The following ETNPPL variants were observed in gnomAD, a reference collection of about 807,000 sequenced individuals.
The protein encoded by ETNPPL is ethanolamine-phosphate phospho-lyase.
ETNPPL carries 30 observed loss-of-function variants against 55.5 expected under a neutral mutation model. The ratio of observed to expected loss-of-function variants is 0.54; its 90% CI spans 0.40 to 0.73. The LOEUF is 0.73. ETNPPL is among the 30% of genes least tolerant of loss of function. ETNPPL has a pLI of 0.00. For synonymous variants in ETNPPL, 202 were observed against 207.2 expected, an observed-to-expected ratio of 0.98 and a Z score of 0.21; for missense variants, 528 against 607.9, an observed-to-expected ratio of 0.87 and a Z score of 1.38.
chr4:108,762,042 A>G lies in ETNPPL; in HGVS notation c.56+801T>C, dbSNP rs189483904. On this transcript the variant is annotated intron_variant, in intron 1 of 12. Coordinates refer to ENST00000296486, the MANE Select transcript of ETNPPL (RefSeq NM_031279.4). ...CGTATCTTTTTAAAAACCACGCACA[A>G]AACACTAACATATTAATCTCATCTT... Among the ~76,000 whole-genome samples, 6 of 152,328 alleles carry G rather than the reference A, an allele frequency of 3.9e-5. No individual in the cohort carries two copies. The East Asian group carries it at 1.2e-3, about 29-fold the overall frequency.
At chr4:108,748,586 C>T (rs1354633668) in intron 8 of ETNPPL, among the ~76,000 whole-genome samples, 4 of 152,104 alleles carry the variant, frequency 2.6e-5, no homozygotes, top group East Asian at 3.9e-4. Flanking sequence ...TGTAACAAGT[C>T]GTATTATATA....
In ETNPPL at chr4:108,749,472, C is replaced by A; in HGVS notation, c.702-9G>T. 6.2e-7 allele frequency: 1 copy of A among 1,608,908 alleles called. No homozygotes were observed. The highest frequency in any genetic ancestry group is 8.5e-7 in the Non-Finnish European group (1 of 1,175,630). On this transcript the variant is annotated splice_polypyrimidine_tract_variant and intron_variant, in intron 7 of 12. Transcript: ENST00000296486. ...CTGCACCGTGTACATATCTGAAAAG[C>A]AAAGCGGCAGTCTAATGCCTTCAGG...
chr4:108,758,697 G>A (rs1729348314), intron 3 of ETNPPL, among the ~76,000 whole-genome samples: 1 of 152,212 alleles, frequency 6.6e-6, no homozygotes, highest in Non-Finnish European at 1.5e-5. Context: ...GGGTCCCCAC[G>A]CTGACCCCGA....
intron 7 of ETNPPL, among the ~76,000 whole-genome samples, chr4:108,750,623 A>AT (rs1304381663): frequency 7.6e-6 from 1 of 130,850 alleles, no homozygotes; most frequent in East Asian, 2.2e-4. Context: ...GGATATATAT[A>AT]TATCCTATTA....
At chr4:108,747,150 T>A (rs13151203) in intron 9 of ETNPPL, among the ~76,000 whole-genome samples, 481 of 17,596 alleles carry the variant, frequency 0.027, 30 homozygotes, top group Middle Eastern at 0.038. Flanking sequence ...ATATATATAA[T>A]ATATATATAT....
chr4:108,754,835 G>T (rs2125679119), intron 4 of ETNPPL, 125 bp from the exon 5 acceptor site: 1 of 662,502 alleles, frequency 1.5e-6, no homozygotes, highest in African/African-American at 1.9e-5. Flanking sequence ...CAACACTGGT[G>T]CCAGATTTGA....
chr4:108,753,072 A>G, intron 5 of ETNPPL, 61 bp from the exon 6 acceptor site: 3 of 865,456 alleles, frequency 3.5e-6, no homozygotes, highest in Non-Finnish European at 3.8e-6. Context: ...CTTAAAAAAA[A>G]GGCATTTCCC....
Position 108,748,058 on chromosome 4 carries a change from G to A in ETNPPL, c.1029C>T (p.Leu343=). The change falls in exon 9 of 13, where the codon CTC becomes CTT. Residue 343 remains leucine (L), a synonymous_variant. Coordinates refer to ENST00000296486, the MANE Select transcript of ETNPPL (RefSeq NM_031279.4). ...QGNAKRVGNY[L]TELLKKQKAK... ...CCTTCTGTTTTTTCAGTAACTCAGT[G>A]AGATAATTCCCTACTCTCTTGGCAT... 1 of 1,611,628 alleles carries A rather than the reference G, an allele frequency of 6.2e-7. No individual in the cohort carries two copies. Among genetic ancestry groups the A allele is most frequent in the Admixed American group, 1.7e-5 (1 of 59,632 alleles).
At chr4:108,745,685 C>G (rs1424446153) in intron 11 of ETNPPL, among the ~76,000 whole-genome samples, 5 of 152,100 alleles carry the variant, frequency 3.3e-5, no homozygotes, top group Non-Finnish European at 7.3e-5. Context: ...AATCCTAGCA[C>G]TTTGGGAGGT....
intron 7 of ETNPPL, among the ~76,000 whole-genome samples, chr4:108,749,922 A>G (rs1297813284): frequency 1.3e-5 from 2 of 152,162 alleles, no homozygotes; most frequent in Admixed American, 6.5e-5. Flanking sequence ...TATGTTGCCC[A>G]GCTGGTATTG....
In ETNPPL at chr4:108,749,349, G is replaced by A; in HGVS notation, c.816C>T (p.Asp272=). Residue 272 remains aspartate, a synonymous_variant, in exon 8 of 13, where the codon GAC becomes GAT. Transcript: ENST00000296486. ...FQMYGEDFVP[D]IVTMGKPMGN... ...CCATCGGTTTTCCCATTGTGACGAT[G>A]TCTGGAACAAAGTCTTCACCATACA... is the stretch of plus-strand genomic sequence containing the variant. 3 of 1,614,048 alleles carry A rather than the reference G, an allele frequency of 1.9e-6. No individual in the cohort carries two copies. Among genetic ancestry groups the A allele is most frequent in the Non-Finnish European group, 1.7e-6 (2 of 1,179,982 alleles).
At chr4:108,746,010 AT>A (rs977922406) in intron 11 of ETNPPL, among the ~76,000 whole-genome samples, 39 of 152,098 alleles carry the variant, frequency 2.6e-4, no homozygotes, top group African/African-American at 9.4e-4. Context: ...AGCCTATATA[AT>A]TTTTTTATTA....
At position 108,743,781 on chromosome 4, in the gene ETNPPL, A is replaced by T. The variant is rs772053445; in HGVS notation, c.1371+8T>A. On this transcript the variant is annotated splice_region_variant and intron_variant, in intron 12 of 12. Transcript: ENST00000296486. ...TTTCCCCCTAAAAATAAAGTAGCCAACCCTTACCTTTGTTTTGCATGGAGT... is the reference window on the plus strand; with the variant it reads ...TTTCCCCCTAAAAATAAAGTAGCCATCCCTTACCTTTGTTTTGCATGGAGT... The T allele has an allele frequency of 3.1e-6, 5 of 1,595,372 alleles. No homozygotes were observed. In the South Asian group the frequency reaches 5.5e-5, roughly 18 times the overall value.
At chr4:108,744,518 G>C (rs1420462362) in intron 11 of ETNPPL, among the ~76,000 whole-genome samples, 3 of 151,958 alleles carry the variant, frequency 2.0e-5, no homozygotes, top group African/African-American at 7.3e-5. Flanking sequence ...ACATCTGCTT[G>C]TGAGGAATGC....
intron 11 of ETNPPL, among the ~76,000 whole-genome samples, chr4:108,745,811 A>C (rs778186762): frequency 9.5e-5 from 14 of 147,802 alleles, no homozygotes; most frequent in Middle Eastern, 3.6e-3. Context: ...GGTGCCTGTA[A>C]TCCCGGATAC....
At chr4:108,762,167 AG>A (rs1729536943) in intron 1 of ETNPPL, 17 of 289,068 alleles carry the variant, frequency 5.9e-5, no homozygotes, top group South Asian at 5.6e-4. Context: ...CGAGAGCTAG[AG>A]CCCCTGTCGG....
At chr4:108,756,279 T>C in intron 4 of ETNPPL, 139 bp downstream of exon 4, 1 of 594,004 alleles carries the variant, frequency 1.7e-6, no homozygotes, top group Non-Finnish European at 3.0e-6. Flanking sequence ...GCTTAATACA[T>C]AATTTTTAAA....
chr4:108,744,319 T>A (rs567700305), intron 11 of ETNPPL, among the ~76,000 whole-genome samples: 1 of 152,298 alleles, frequency 6.6e-6, no homozygotes, highest in East Asian at 1.9e-4. Context: ...TGTAGTATTT[T>A]ACCATTATCA....
At chr4:108,753,808 A>AAAGAAAGAAAGAAAGAAAGAAAG (rs1560656731) in intron 5 of ETNPPL, among the ~76,000 whole-genome samples, 4 of 75,138 alleles carry the variant, frequency 5.3e-5, no homozygotes, top group Non-Finnish European at 3.1e-5. Context: ...AAGAAAGAAA[A>AAAGAAAGAAAGAAAGAAAGAAAG]GAGAAGAAAA....
Sources: gnomAD v4.1 joint callset for allele counts (sites outside exome capture counted in the v4.1 genomes callset) on GRCh38, gnomAD v4.1.1 for gene constraint, MANE v1.5 for transcripts, NCBI Gene and HGNC (gene_info 2026-07-23, HGNC 2026-07-21) for gene names.